Variants in RGS7 observed in about 807,000 individuals in gnomAD.
RGS7 encodes regulator of G-protein signaling 7.
RGS7 carries 27 observed loss-of-function variants against 81.1 expected under a neutral mutation model. The observed-to-expected ratio is 0.33, with a 90% confidence interval of 0.25 to 0.46. The LOEUF (loss-of-function observed/expected upper bound fraction) is 0.46. RGS7 is among the 20% of genes least tolerant of loss of function. The pLI, the probability that RGS7 is intolerant of heterozygous loss-of-function variation, is 1.00. For synonymous variants in RGS7, 208 were observed against 207.7 expected (o/e 1.00, Z -0.01); for missense variants, 396 against 607.4 (o/e 0.65, Z 3.66).
At chr1:240,807,770 C>T (rs900638817) in intron 14 of RGS7, among the ~76,000 whole-genome samples, 1 of 152,102 alleles carries the variant, frequency 6.6e-6, no homozygotes, top group African/African-American at 2.4e-5. Flanking sequence ...CATGGTGGCT[C>T]ACGTCTGTAA....
chr1:241,057,325 C>T (rs1213669208), intron 3 of RGS7, among the ~76,000 whole-genome samples: 1 of 152,074 alleles, frequency 6.6e-6, no homozygotes, highest in Non-Finnish European at 1.5e-5. Flanking sequence ...TTCCCTGAGC[C>T]TTGGGTTTCT....
At chr1:241,272,371 C>G (rs10926449) in intron 2 of RGS7, among the ~76,000 whole-genome samples, 55,497 of 151,954 alleles carry the variant, frequency 0.37, 11,731 homozygotes, top group East Asian at 0.55. Context: ...AAATTATTTC[C>G]TACAGCTTCC....
intron 2 of RGS7, among the ~76,000 whole-genome samples, chr1:241,338,168 G>A (rs2082346322): frequency 6.6e-6 from 1 of 152,064 alleles, no homozygotes; most frequent in Admixed American, 6.5e-5. Flanking sequence ...ATTTGACTCT[G>A]TTAAAATCCA....
intron 2 of RGS7, among the ~76,000 whole-genome samples, chr1:241,334,377 C>G (rs190348526): frequency 6.6e-6 from 1 of 152,110 alleles, no homozygotes; most frequent in African/African-American, 2.4e-5. Context: ...GGGAAACTCT[C>G]GGTACCACGG....
chr1:241,230,994 T>G (rs1416786245), intron 2 of RGS7, among the ~76,000 whole-genome samples: 1 of 152,198 alleles, frequency 6.6e-6, no homozygotes, highest in African/African-American at 2.4e-5. Flanking sequence ...ATAACTCTTT[T>G]GGTTGTTGGT....
At chr1:241,246,230 G>T (rs943726018) in intron 2 of RGS7, among the ~76,000 whole-genome samples, 1 of 152,138 alleles carries the variant, frequency 6.6e-6, no homozygotes, top group African/African-American at 2.4e-5. Context: ...AAAATAGCAG[G>T]AAAGGTATGT....
intron 2 of RGS7, among the ~76,000 whole-genome samples, chr1:241,154,956 T>C (rs995095253): frequency 6.6e-6 from 1 of 152,138 alleles, no homozygotes; most frequent in Non-Finnish European, 1.5e-5. Context: ...TCACGCAGAC[T>C]GAAAAAGAAA....
chr1:241,085,129 G>C (rs2148906881), intron 3 of RGS7, among the ~76,000 whole-genome samples: 1 of 152,302 alleles, frequency 6.6e-6, no homozygotes, highest in South Asian at 2.1e-4. Flanking sequence ...TTCTGCTATG[G>C]CTTACACTGG....
intron 2 of RGS7, among the ~76,000 whole-genome samples, chr1:241,231,407 A>T (rs2075655126): frequency 6.6e-6 from 1 of 152,192 alleles, no homozygotes; most frequent in Non-Finnish European, 1.5e-5. Flanking sequence ...CTCTAGTGGT[A>T]AGATCACATT....
chr1:241,001,945 T>C (rs1281889638), intron 3 of RGS7, among the ~76,000 whole-genome samples: 2 of 152,122 alleles, frequency 1.3e-5, no homozygotes, highest in Non-Finnish European at 2.9e-5. Flanking sequence ...CCCTGTGTGA[T>C]AATGACGCGT....
intron 2 of RGS7, among the ~76,000 whole-genome samples, chr1:241,334,043 G>T (rs1392082233): frequency 6.7e-6 from 1 of 148,220 alleles, no homozygotes; most frequent in East Asian, 2.0e-4. Flanking sequence ...CATATATATA[G>T]TATATACATA....
chr1:240,983,174 G>A, intron 3 of RGS7, 45 bp from the exon 4 acceptor site: 3 of 1,076,716 alleles, frequency 2.8e-6, no homozygotes, highest in Non-Finnish European at 4.1e-6. Flanking sequence ...TGAACATTTT[G>A]TTTATACATA....
chr1:240,944,260 A>ATGTGTGTG lies in RGS7; in HGVS notation c.227-7562_227-7555dup, dbSNP rs35591630. On this transcript the variant is annotated intron_variant, in intron 4 of 18. Transcript: ENST00000440928. ...CTTTAACAAGATTCTGTTATATTAT[A>ATGTGTGTG]TGTGTGTGTGTGTGTGTGTGTGTAT... 4.2e-3 allele frequency among the ~76,000 whole-genome samples: 217 copies of ATGTGTGTG among 51,808 alleles called. 8 individuals carry two copies. The highest frequency in any genetic ancestry group is 0.013 in the Middle Eastern group (1 of 80). 34.0% of individuals were successfully genotyped at this position (51,808 alleles called of 152,430 possible). A position where few individuals can be genotyped will look rare whatever the true frequency, so the allele number is the denominator to read the frequency against.
At chr1:241,263,116 C>G (rs971952983) in intron 2 of RGS7, among the ~76,000 whole-genome samples, 1 of 149,044 alleles carries the variant, frequency 6.7e-6, no homozygotes, top group Non-Finnish European at 1.5e-5. Flanking sequence ...AACAAACAAA[C>G]AAAAACAAAA....
intron 13 of RGS7, among the ~76,000 whole-genome samples, chr1:240,813,289 T>C (rs1483993415): frequency 6.6e-6 from 1 of 152,228 alleles, no homozygotes; most frequent in Non-Finnish European, 1.5e-5. Context: ...CTTGACTACA[T>C]GAGACTTTGT....
chr1:241,086,248 T>C (rs2063437168), intron 3 of RGS7, among the ~76,000 whole-genome samples: 1 of 152,202 alleles, frequency 6.6e-6, no homozygotes, highest in African/African-American at 2.4e-5. Context: ...CCAAAACATA[T>C]CATGCCTTCG....
intron 2 of RGS7, among the ~76,000 whole-genome samples, chr1:241,197,961 C>T (rs2073205624): frequency 6.6e-6 from 1 of 151,398 alleles, no homozygotes; most frequent in Admixed American, 6.6e-5. Flanking sequence ...ATCTATCTAT[C>T]TGTCTACCTA....
intron 2 of RGS7, among the ~76,000 whole-genome samples, chr1:241,198,918 G>A (rs556718383): frequency 1.8e-3 from 276 of 152,118 alleles, no homozygotes; most frequent in African/African-American, 6.5e-3. Flanking sequence ...AAACCCGTAT[G>A]CAAAAATATT....
At chr1:240,893,597 A>G (rs1165580464) in intron 6 of RGS7, among the ~76,000 whole-genome samples, 1 of 149,942 alleles carries the variant, frequency 6.7e-6, no homozygotes, top group Non-Finnish European at 1.5e-5. Context: ...GCTTAGAAAG[A>G]CTGCATTAAA....
Sources: allele counts gnomAD v4.1 joint callset (sites outside exome capture counted in the v4.1 genomes callset), GRCh38; gene constraint gnomAD v4.1.1; transcripts MANE v1.5; gene names NCBI Gene and HGNC (gene_info 2026-07-23, HGNC 2026-07-21).